FBXO36: variants seen among roughly 807,000 people sequenced by gnomAD.
The protein encoded by FBXO36 is F-box only protein 36.
Under a neutral mutation model 17.0 loss-of-function variants are expected in FBXO36, and 18 were observed. The observed-to-expected ratio is 1.06, with a 90% CI of 0.73 to 1.57. FBXO36 has a LOEUF of 1.57. Among genes scored for constraint, FBXO36 ranks in the 40% most tolerant of loss-of-function variants. FBXO36 has a pLI of 0.00. For missense variants in FBXO36, 229 were observed against 221.9 expected (o/e 1.03, Z -0.20); for synonymous variants, 83 against 85.3 (o/e 0.97, Z 0.15).
intron 1 of FBXO36, among the ~76,000 whole-genome samples, chr2:229,925,083 TTTTC>T (rs1289434373): frequency 6.6e-6 from 1 of 151,778 alleles, no homozygotes; most frequent in African/African-American, 2.4e-5. Context: ...TGTTCTTAAT[TTTTC>T]TTTTTCTTTC....
At chr2:229,961,456 A>G (rs929788161) in intron 1 of FBXO36, among the ~76,000 whole-genome samples, 3 of 151,842 alleles carry the variant, frequency 2.0e-5, no homozygotes, top group Non-Finnish European at 4.4e-5. Context: ...GCTCACTGCA[A>G]CCTCCGCCTC....
At chr2:229,977,841 C>T (rs2077217776) in intron 2 of FBXO36, among the ~76,000 whole-genome samples, 1 of 152,128 alleles carries the variant, frequency 6.6e-6, no homozygotes, top group Admixed American at 6.6e-5. Context: ...ACCCACTGTT[C>T]CCACTGGATT....
intron 1 of FBXO36, among the ~76,000 whole-genome samples, chr2:229,950,589 CTAT>C (rs1265117465): frequency 2.0e-5 from 3 of 152,168 alleles, no homozygotes; most frequent in Non-Finnish European, 4.4e-5. Flanking sequence ...ATCTAATTAG[CTAT>C]TATTCGCAAT....
At chr2:229,996,944 G>T in intron 3 of FBXO36, 21 bp downstream of exon 3, 1 of 1,594,598 alleles carries the variant, frequency 6.3e-7, no homozygotes, top group South Asian at 1.2e-5. Context: ...ATTATTTTAT[G>T]TCTATATAGA....
At chr2:229,976,010 C>T (rs2077206350) in intron 1 of FBXO36, among the ~76,000 whole-genome samples, 1 of 152,044 alleles carries the variant, frequency 6.6e-6, no homozygotes, top group Non-Finnish European at 1.5e-5. Context: ...ACCCGGCCGA[C>T]CTGATCGATT....
At chr2:229,969,668 ACAGAGACTCT>A in intron 1 of FBXO36, among the ~76,000 whole-genome samples, 1 of 152,210 alleles carries the variant, frequency 6.6e-6, no homozygotes, top group South Asian at 2.1e-4. Flanking sequence ...AGTCTGGGTG[ACAGAGACTCT>A]GTCTCAGAAA....
At chr2:229,971,573 C>T (rs2077180548) in intron 1 of FBXO36, among the ~76,000 whole-genome samples, 1 of 152,040 alleles carries the variant, frequency 6.6e-6, no homozygotes, top group Admixed American at 6.6e-5. Context: ...TGAGCACAAG[C>T]TATGTGAGAG....
At position 229,922,551 on chromosome 2, in the gene FBXO36, T is replaced by C; in HGVS notation, c.38T>C (p.Val13Ala). ...SWLPETLFET[V>A]GQGPPPSKDY... is the part of the protein sequence containing the mutation. ...CTGCCGGAGACTCTCTTTGAAACTG[T>C]AGGACAAGGCCCGCCGCCTAGCAAA... Residue 13 changes from valine to alanine, a missense_variant, in exon 1 of 4, where the codon GTA (valine) becomes GCA (alanine). Val to Ala is a moderately conservative substitution (Grantham distance 64). Coordinates refer to ENST00000283946, the MANE Select transcript of FBXO36 (RefSeq NM_174899.5). 1 of 1,614,026 alleles carries C rather than the reference T, an allele frequency of 6.2e-7. No homozygotes were observed. Among genetic ancestry groups the C allele is most frequent in the Non-Finnish European group, 8.5e-7 (1 of 1,179,990 alleles).
chr2:229,932,047 T>G lies in FBXO36; in HGVS notation c.96+9438T>G, dbSNP rs115868497. 6.4e-3 allele frequency among the ~76,000 whole-genome samples: 968 copies of G among 151,046 alleles called. 10 individuals are homozygous for G. Among genetic ancestry groups the G allele is most frequent in the African/African-American group, 0.022 (890 of 41,188 alleles). ...TCCACCCACTTTAGCCCCCTGAAAA[T>G]AGCAGAGACTACAGGCCCGTTCCAC... is the stretch of plus-strand genomic sequence containing the variant. On this transcript the variant is annotated intron_variant, in intron 1 of 3. Coordinates refer to ENST00000283946, the MANE Select transcript of FBXO36 (RefSeq NM_174899.5).
At chr2:229,982,111 C>T (rs375426223) in intron 2 of FBXO36, among the ~76,000 whole-genome samples, 82 of 152,044 alleles carry the variant, frequency 5.4e-4, no homozygotes, top group African/African-American at 1.8e-3. Context: ...GCAACTTCCA[C>T]CTCCCAGGCT....
chr2:229,976,146 A>G, intron 1 of FBXO36, 95 bp from the exon 2 acceptor site: 1 of 780,544 alleles, frequency 1.3e-6, no homozygotes, highest in Non-Finnish European at 2.1e-6. Context: ...AATGTTGGAC[A>G]CATAGCCTTA....
At chr2:229,924,864 G>A (rs2076899460) in intron 1 of FBXO36, among the ~76,000 whole-genome samples, 1 of 151,838 alleles carries the variant, frequency 6.6e-6, no homozygotes, top group South Asian at 2.1e-4. Flanking sequence ...CGCCTCCTGG[G>A]TTCACACCAT....
intron 1 of FBXO36, among the ~76,000 whole-genome samples, chr2:229,974,354 A>C (rs2077196755): frequency 6.6e-6 from 1 of 152,178 alleles, no homozygotes; most frequent in African/African-American, 2.4e-5. Context: ...CGGAAGGGCC[A>C]GTGGGAAGCT....
At chr2:229,963,604 C>T (rs1448205851) in intron 1 of FBXO36, among the ~76,000 whole-genome samples, 1 of 151,920 alleles carries the variant, frequency 6.6e-6, no homozygotes, top group African/African-American at 2.4e-5. Context: ...GCCACCATGC[C>T]CGGCTAATTT....
chr2:230,003,528 G>C (rs1560457358), intron 3 of FBXO36, among the ~76,000 whole-genome samples: 1 of 117,304 alleles, frequency 8.5e-6, no homozygotes, highest in Admixed American at 1.1e-4. Flanking sequence ...TGTTTCAGGT[G>C]TTCTTCTTCT....
At chr2:229,990,831 A>G (rs2106206049) in intron 2 of FBXO36, among the ~76,000 whole-genome samples, 1 of 152,324 alleles carries the variant, frequency 6.6e-6, no homozygotes, top group South Asian at 2.1e-4. Flanking sequence ...TTATAAAGCT[A>G]ATCTGTAAAG....
intron 1 of FBXO36, chr2:229,942,880 A>T (rs1244827102): frequency 6.6e-6 from 1 of 152,136 alleles, no homozygotes; most frequent in Non-Finnish European, 1.5e-5. Flanking sequence ...GTAGGAGCTG[A>T]TGTTTTTACC....
intron 3 of FBXO36, among the ~76,000 whole-genome samples, chr2:230,006,191 G>A (rs2106217905): frequency 6.7e-6 from 1 of 148,712 alleles, no homozygotes; most frequent in South Asian, 2.1e-4. Flanking sequence ...TGCCTCCTGG[G>A]TTCAAGCAAT....
intron 2 of FBXO36, among the ~76,000 whole-genome samples, chr2:229,996,359 C>A (rs1190873211): frequency 6.6e-6 from 1 of 152,074 alleles, no homozygotes; most frequent in African/African-American, 2.4e-5. Flanking sequence ...GCAGGGCTGG[C>A]AGAAAAGCCA....
Sources: allele counts gnomAD v4.1 joint callset (sites outside exome capture counted in the v4.1 genomes callset), GRCh38; gene constraint gnomAD v4.1.1; transcripts MANE v1.5; gene names NCBI Gene and HGNC (gene_info 2026-07-23, HGNC 2026-07-21).